The following TERF2IP variants were observed in gnomAD, a reference collection of about 807,000 sequenced individuals.
TERF2IP encodes the protein telomeric repeat-binding factor 2-interacting protein 1.
Under a neutral mutation model 33.3 loss-of-function variants are expected in TERF2IP, and 35 were observed. The observed-to-expected ratio is 1.05, with a 90% CI of 0.80 to 1.39. The LOEUF (loss-of-function observed/expected upper bound fraction) is 1.39, where lower values mean the gene tolerates loss of function less well. TERF2IP is among the 40% of genes most tolerant of loss of function. The pLI is 0.00. For missense variants in TERF2IP, 583 were observed against 524.8 expected, an observed-to-expected ratio of 1.11 and a Z score of -1.08; for synonymous variants, 253 against 223.2, an observed-to-expected ratio of 1.13 and a Z score of -1.19.
rs753345034 is a variant in TERF2IP, at chr16:75,648,126, C to T, written c.244C>T (p.Gln82Ter). 2 of 1,560,338 alleles carry T rather than the reference C, an allele frequency of 1.3e-6. No homozygotes were observed. The highest frequency in any genetic ancestry group is 8.7e-7 in the Non-Finnish European group (1 of 1,153,972). ...AEASGDFIST[Q>*]YILDCVERNE... ...GGCCTCGGGTGATTTCATCTCCACG[C>T]AGTACATCCTGGACTGCGTGGAGCG... Residue 82 changes from glutamine to a stop codon, truncating the protein, a stop_gained, in exon 1 of 3, where the codon CAG becomes TAG. Transcript: ENST00000300086. LOFTEE classifies it high-confidence loss of function.
intron 1 of TERF2IP, among the ~76,000 whole-genome samples, chr16:75,649,333 A>C (rs1174578362): frequency 2.6e-5 from 4 of 152,254 alleles, no homozygotes; most frequent in Non-Finnish European, 5.9e-5. Flanking sequence ...CACCTGAGGT[A>C]AGGAGATCGA....
At position 75,656,863 on chromosome 16, in the gene TERF2IP, A is replaced by G. The variant is rs1229299383; in HGVS notation, c.*252A>G. On this transcript the variant is annotated 3_prime_UTR_variant, in exon 3 of 3. Transcript: ENST00000300086. ...ATGTGTTTATGAAAGGAAGATCTAA[A>G]TCAGACAGGAGTTGGTCTACATAGT... 1 of 465,712 alleles carries G rather than the reference A, an allele frequency of 2.1e-6. No individual in the cohort carries two copies. The highest frequency in any genetic ancestry group is 2.0e-5 in the African/African-American group (1 of 50,466). 28.8% of individuals were successfully genotyped at this position (465,712 alleles called of 1,614,324 possible).
Position 75,648,468 on chromosome 16 carries a change from C to T in TERF2IP, c.586C>T (p.Leu196=), listed in dbSNP as rs1377599889. 3.8e-6 allele frequency: 6 copies of T among 1,597,516 alleles called. No individual in the cohort carries two copies. The East Asian group carries it at 9.0e-5, about 24-fold the overall frequency. The part of the protein sequence containing the change: ...KHLRGQEHKY[L]LGDAPVSPSS... Reference sequence around the variant, plus strand: ...CCTGCGGGGCCAGGAGCATAAGTACCTGCTGGGGGACGCGCCGGTGAGCCC... The same window carrying T: ...CCTGCGGGGCCAGGAGCATAAGTACTTGCTGGGGGACGCGCCGGTGAGCCC... Residue 196 remains leucine, a synonymous_variant, in exon 1 of 3, where the codon CTG becomes TTG. Coordinates refer to ENST00000300086, the MANE Select transcript of TERF2IP (RefSeq NM_018975.4).
chr16:75,654,240 A>T, intron 1 of TERF2IP, 33 bp from the exon 2 acceptor site: 1 of 1,560,834 alleles, frequency 6.4e-7, no homozygotes, highest in Non-Finnish European at 8.7e-7. Flanking sequence ...AAAAGAGGCT[A>T]TTGCTAATCT....
intron 1 of TERF2IP, among the ~76,000 whole-genome samples, chr16:75,651,907 T>C (rs188416500): frequency 4.1e-4 from 63 of 152,110 alleles, no homozygotes; most frequent in Admixed American, 1.0e-3. Context: ...AAGGAGATGT[T>C]ATACTTTATC....
chr16:75,654,418 C>A, intron 2 of TERF2IP, 21 bp downstream of exon 2: 1 of 1,606,882 alleles, frequency 6.2e-7, no homozygotes, highest in South Asian at 1.1e-5. Context: ...TAGATTTACT[C>A]ATTATTTTTT....
intron 2 of TERF2IP, 57 bp from the exon 3 acceptor site, chr16:75,656,150 T>C (rs979948937): frequency 6.6e-6 from 10 of 1,510,524 alleles, no homozygotes; most frequent in South Asian, 4.0e-5. Flanking sequence ...AGACCAGATA[T>C]TGTAAGAAAT....
intron 1 of TERF2IP, among the ~76,000 whole-genome samples, chr16:75,650,394 G>C (rs900679194): frequency 3.5e-4 from 53 of 152,332 alleles, no homozygotes; most frequent in African/African-American, 1.1e-3. Flanking sequence ...AGTATGGCTG[G>C]TGTGTTTGGA....
At position 75,648,414 on chromosome 16, in the gene TERF2IP, C is replaced by T; in HGVS notation, c.532C>T (p.Gln178Ter). ...EKSSLTQHSW[Q>*]SLKDRYLKHL... ...GAGCTCGCTCACGCAGCACTCGTGG[C>T]AGTCCCTGAAGGACCGCTACCTCAA... The change falls in exon 1 of 3, where the codon CAG becomes TAG. Residue 178 changes from glutamine (Q) to a stop codon, truncating the protein, a stop_gained. Coordinates refer to ENST00000300086, the MANE Select transcript of TERF2IP (RefSeq NM_018975.4). LOFTEE classifies it high-confidence loss of function. The T allele has an allele frequency of 6.2e-7, 1 of 1,606,984 alleles. No individual in the cohort carries two copies. The highest frequency in any genetic ancestry group is 8.5e-7 in the Non-Finnish European group (1 of 1,177,274).
intron 1 of TERF2IP, among the ~76,000 whole-genome samples, chr16:75,649,520 G>A (rs1013177481): frequency 6.6e-6 from 1 of 151,402 alleles, no homozygotes; most frequent in Admixed American, 6.6e-5. Flanking sequence ...CTCCAGCGTG[G>A]GTGACAGAGC....
intron 1 of TERF2IP, chr16:75,648,814 A>G: frequency 1.0e-6 from 1 of 979,708 alleles, no homozygotes; most frequent in Non-Finnish European, 1.4e-6. Context: ...TCGGCCACCC[A>G]AAGTGTTGGG....
Position 75,656,720 on chromosome 16 carries a change from C to G in TERF2IP, c.*109C>G, listed in dbSNP as rs2082389958. The G allele has an allele frequency of 4.0e-6, 4 of 1,009,722 alleles. No homozygotes were observed. Among genetic ancestry groups the G allele is most frequent in the Non-Finnish European group, 5.8e-6 (4 of 693,228 alleles). The allele number at this position is 1,009,722 out of a possible 1,614,324, so 62.5% of individuals were successfully genotyped here. ...TTGCATTGGAACTGGCACTTATTTTCTGACCATCGCTGCTGTTGCTCTGTG... is the reference window on the plus strand; with the variant it reads ...TTGCATTGGAACTGGCACTTATTTTGTGACCATCGCTGCTGTTGCTCTGTG... On this transcript the variant is annotated 3_prime_UTR_variant, in exon 3 of 3. Transcript: ENST00000300086.
intron 2 of TERF2IP, among the ~76,000 whole-genome samples, chr16:75,654,956 C>A (rs904268074): frequency 2.6e-5 from 4 of 152,172 alleles, no homozygotes; most frequent in African/African-American, 9.7e-5. Flanking sequence ...CCTCGATCTC[C>A]TGACCTCGTG....
intron 1 of TERF2IP, among the ~76,000 whole-genome samples, chr16:75,651,318 A>G (rs1333637288): frequency 6.6e-6 from 1 of 152,176 alleles, no homozygotes; most frequent in African/African-American, 2.4e-5. Flanking sequence ...GAGAAAAGGA[A>G]ATGGAACAGG....
rs937355335 is a variant in TERF2IP, at chr16:75,657,170, T to G, written c.*559T>G. On this transcript the variant is annotated 3_prime_UTR_variant, in exon 3 of 3. Coordinates refer to ENST00000300086, the MANE Select transcript of TERF2IP (RefSeq NM_018975.4). ...GTATTCATTTTGCTAACTTAGTATT[T>G]GGGTACCCTGCTCTTTGGCTGTTCT... 5 of 152,314 alleles carry G rather than the reference T, an allele frequency of 3.3e-5. No individual in the cohort carries two copies. The highest frequency in any genetic ancestry group is 5.9e-5 in the Non-Finnish European group (4 of 68,110). 9.4% of individuals were successfully genotyped at this position (152,314 alleles called of 1,614,324 possible).
chr16:75,648,915 G>C (rs1184891586), intron 1 of TERF2IP, among the ~76,000 whole-genome samples: 1 of 150,616 alleles, frequency 6.6e-6, no homozygotes, highest in Non-Finnish European at 1.5e-5. Flanking sequence ...AGGCTGTGAT[G>C]CAGCCGCGCG....
At chr16:75,651,333 T>A (rs2151818316) in intron 1 of TERF2IP, among the ~76,000 whole-genome samples, 1 of 152,086 alleles carries the variant, frequency 6.6e-6, no homozygotes, top group South Asian at 2.1e-4. Flanking sequence ...AACAGGAAGT[T>A]CCCAGAAAAG....
Position 75,648,563 on chromosome 16 carries a change from T to G in TERF2IP, c.670+11T>G, listed in dbSNP as rs916509160. 1 of 1,531,700 alleles carries G rather than the reference T, an allele frequency of 6.5e-7. No individual in the cohort carries two copies. Among genetic ancestry groups the G allele is most frequent in the Non-Finnish European group, 8.8e-7 (1 of 1,134,880 alleles). The allele number at this position is 1,531,700 out of a possible 1,614,324, so 94.9% of individuals were successfully genotyped here. ...CCGCGGATAGCGGGGGTGAGGAGGC[T>G]GAGCGCGGGGCCTCGCGGATATCTG... On this transcript the variant is annotated intron_variant, in intron 1 of 2. Transcript: ENST00000300086.
intron 1 of TERF2IP, among the ~76,000 whole-genome samples, chr16:75,653,725 A>G (rs776468728): frequency 2.6e-5 from 4 of 152,132 alleles, no homozygotes; most frequent in African/African-American, 9.7e-5. Context: ...TTGCAGAGTT[A>G]CAAAGTCTGC....
Sources: gnomAD v4.1 joint callset for allele counts (sites outside exome capture counted in the v4.1 genomes callset) on GRCh38, gnomAD v4.1.1 for gene constraint, MANE v1.5 for transcripts, NCBI Gene and HGNC (gene_info 2026-07-23, HGNC 2026-07-21) for gene names.